Variants in NPAS3 observed in about 807,000 individuals in gnomAD.
The protein encoded by NPAS3 is neuronal PAS domain protein 3.
In NPAS3, 14 loss-of-function variants were observed where a neutral mutation model predicts 73.1. The observed-to-expected ratio is 0.19, with a 90% CI of 0.13 to 0.30. The LOEUF is 0.30. Ranked by LOEUF, NPAS3 falls within the 10% of genes least tolerant of loss-of-function variation. The pLI is 1.00. For synonymous variants in NPAS3, 620 were observed against 541.5 expected, an observed-to-expected ratio of 1.14 and a Z score of -2.01; for missense variants, 1,096 against 1,250.0, an observed-to-expected ratio of 0.88 and a Z score of 1.86.
chr14:33,208,615 A>AT (rs541831746), intron 2 of NPAS3, among the ~76,000 whole-genome samples: 61 of 152,254 alleles, frequency 4.0e-4, no homozygotes, highest in African/African-American at 1.4e-3. Context: ...GTTTTTTGAC[A>AT]TTTTTTTAAG....
chr14:33,618,644 A>G (rs1415267887), intron 5 of NPAS3, among the ~76,000 whole-genome samples: 4 of 152,186 alleles, frequency 2.6e-5, no homozygotes, highest in Admixed American at 2.6e-4. Flanking sequence ...GTACCGGTCT[A>G]TGGCCTGGGA....
chr14:33,446,271 G>A (rs994578552), intron 4 of NPAS3, among the ~76,000 whole-genome samples: 1 of 149,650 alleles, frequency 6.7e-6, no homozygotes, highest in Non-Finnish European at 1.5e-5. Context: ...CGCTTCCCGG[G>A]TTCACGCCAT....
intron 3 of NPAS3, among the ~76,000 whole-genome samples, chr14:33,263,794 T>C (rs542829618): frequency 4.6e-5 from 7 of 152,220 alleles, no homozygotes; most frequent in East Asian, 1.9e-4. Context: ...TCTTTTATTT[T>C]GTTGAGCAGT....
chr14:33,305,651 T>G (rs181278793), intron 3 of NPAS3, among the ~76,000 whole-genome samples: 13 of 152,300 alleles, frequency 8.5e-5, no homozygotes, highest in Middle Eastern at 3.4e-3. Context: ...TGATTACAGC[T>G]GTATCCAGGT....
At chr14:33,724,589 T>C (rs1459539089) in intron 6 of NPAS3, among the ~76,000 whole-genome samples, 1 of 152,112 alleles carries the variant, frequency 6.6e-6, no homozygotes. Context: ...GCTGTGATTG[T>C]ACCACTGCAC....
chr14:33,388,159 G>A (rs1219946600), intron 4 of NPAS3, among the ~76,000 whole-genome samples: 2 of 152,194 alleles, frequency 1.3e-5, no homozygotes, highest in African/African-American at 2.4e-5. Context: ...ATAGGAAGTG[G>A]CCCTGTGTGA....
chr14:33,120,940 G>A (rs1446161958), intron 2 of NPAS3, among the ~76,000 whole-genome samples: 2 of 152,084 alleles, frequency 1.3e-5, no homozygotes, highest in Non-Finnish European at 2.9e-5. Flanking sequence ...AGTTCGTAAT[G>A]GGTCTGTCTT....
At chr14:33,612,566 A>C (rs1196943754) in intron 5 of NPAS3, 1 of 452,412 alleles carries the variant, frequency 2.2e-6, no homozygotes, top group Non-Finnish European at 4.4e-6. Context: ...TGAAAAATAA[A>C]CTCTGTATAC....
chr14:33,022,113 T>G (rs1411062790), intron 1 of NPAS3, among the ~76,000 whole-genome samples: 5 of 152,224 alleles, frequency 3.3e-5, no homozygotes, highest in African/African-American at 1.2e-4. Context: ...CTACTGCATG[T>G]TGAACCATGT....
At position 33,633,920 on chromosome 14, in the gene NPAS3, A is replaced by T. The variant is rs148435250; in HGVS notation, c.559-42291A>T. Among the ~76,000 whole-genome samples the T allele has an allele frequency of 2.1e-3, 313 of 152,262 alleles. 2 individuals are homozygous for T. The Middle Eastern group carries it at 0.024, about 12-fold the overall frequency. On this transcript the variant is annotated intron_variant, in intron 5 of 11. Transcript: ENST00000356141. ...TTTGATCCCAGGACATCGAGGCTGC[A>T]TTGAGCTGTGTTTGCACCACTGCAC...
rs367566414 is a variant in NPAS3, at chr14:33,334,943, C to T, written c.386-32243C>T. 6.6e-5 allele frequency among the ~76,000 whole-genome samples: 10 copies of T among 152,088 alleles called. No individual in the cohort carries two copies. In the South Asian group the frequency reaches 1.7e-3, roughly 25 times the overall value. ...TGTTTGGTTTTCCATTTCTGAGTTA[C>T]TTCACTTAGAATAACAGTCTCAAAT... On this transcript the variant is annotated intron_variant, in intron 3 of 11. Transcript: ENST00000356141.
At chr14:33,255,032 C>T (rs927673238) in intron 3 of NPAS3, among the ~76,000 whole-genome samples, 4 of 151,838 alleles carry the variant, frequency 2.6e-5, no homozygotes, top group Admixed American at 1.3e-4. Flanking sequence ...ATTAAGGATA[C>T]GTTGGCCAGG....
chr14:33,256,349 AAATAAAT>A (rs2048781079), intron 3 of NPAS3, among the ~76,000 whole-genome samples: 1 of 152,194 alleles, frequency 6.6e-6, no homozygotes, highest in East Asian at 1.9e-4. Flanking sequence ...GGGAGAGCAT[AAATAAAT>A]AATTTCCCTC....
chr14:33,569,651 G>A (rs771989997), intron 5 of NPAS3, among the ~76,000 whole-genome samples: 3 of 151,950 alleles, frequency 2.0e-5, no homozygotes, highest in Non-Finnish European at 2.9e-5. Flanking sequence ...CTAGGAACGC[G>A]CTAAGGCTTT....
intron 1 of NPAS3, among the ~76,000 whole-genome samples, chr14:33,009,924 A>G (rs1334258551): frequency 6.6e-6 from 1 of 152,190 alleles, no homozygotes; most frequent in African/African-American, 2.4e-5. Flanking sequence ...TTCCTTCACC[A>G]TAAAATAAAG....
At chr14:33,752,709 T>C (rs2061999356) in intron 7 of NPAS3, among the ~76,000 whole-genome samples, 1 of 152,226 alleles carries the variant, frequency 6.6e-6, no homozygotes, top group Admixed American at 6.5e-5. Flanking sequence ...AACTTTATGT[T>C]GACAATGTAT....
At chr14:33,150,498 TG>T (rs1428927134) in intron 2 of NPAS3, among the ~76,000 whole-genome samples, 1 of 152,244 alleles carries the variant, frequency 6.6e-6, no homozygotes, top group Non-Finnish European at 1.5e-5. Context: ...ATTGATCATC[TG>T]GGAAATATTT....
intron 1 of NPAS3, among the ~76,000 whole-genome samples, chr14:33,010,176 A>ACAC (rs1274092301): frequency 3.3e-5 from 5 of 152,224 alleles, no homozygotes; most frequent in African/African-American, 1.2e-4. Context: ...TCTACTGGCT[A>ACAC]CACCCTAAAC....
At chr14:33,610,666 A>G (rs1337098447) in intron 5 of NPAS3, among the ~76,000 whole-genome samples, 2 of 152,210 alleles carry the variant, frequency 1.3e-5, no homozygotes, top group Non-Finnish European at 2.9e-5. Flanking sequence ...CTTCAAAGAA[A>G]TTTTATTTCC....
Sources: allele counts gnomAD v4.1 joint callset (sites outside exome capture counted in the v4.1 genomes callset), GRCh38; gene constraint gnomAD v4.1.1; transcripts MANE v1.5; gene names NCBI Gene and HGNC (gene_info 2026-07-23, HGNC 2026-07-21).